Variants in DPP6 observed in about 807,000 individuals in gnomAD.
DPP6 encodes the protein dipeptidyl peptidase like 6, also known as A-type potassium channel modulatory protein DPP6.
Under a neutral mutation model 122.6 loss-of-function variants are expected in DPP6, and 69 were observed. That is an observed-to-expected ratio of 0.56 (90% CI 0.46 to 0.69). DPP6 has a LOEUF of 0.69. Among genes scored for constraint, DPP6 ranks in the 30% least tolerant of loss-of-function variants. The pLI is 0.00. For synonymous variants in DPP6, 418 were observed against 433.1 expected (o/e 0.97, Z 0.43); for missense variants, 928 against 1,116.9 (o/e 0.83, Z 2.41).
intron 3 of DPP6, among the ~76,000 whole-genome samples, chr7:154,526,871 C>T (rs138237024): frequency 1.1e-4 from 17 of 152,268 alleles, no homozygotes; most frequent in African/African-American, 4.1e-4. Flanking sequence ...CCTGACTTTG[C>T]AGCGAAAAAT....
chr7:154,360,695 C>T (rs1164348725), intron 1 of DPP6, among the ~76,000 whole-genome samples: 1 of 152,154 alleles, frequency 6.6e-6, no homozygotes, highest in African/African-American at 2.4e-5. Context: ...TTCTAAGTGA[C>T]CAGCATGTGT....
intron 5 of DPP6, among the ~76,000 whole-genome samples, chr7:154,572,706 G>A (rs1279374953): frequency 1.6e-4 from 24 of 146,094 alleles, no homozygotes; most frequent in Admixed American, 2.7e-4. Context: ...TTGAGACAGA[G>A]TCTCACTCTG....
chr7:154,057,407 G>C (rs138135985), intron 1 of DPP6: 25,358 of 206,522 alleles, frequency 0.12, 85 homozygotes, highest in Non-Finnish European at 0.19. Flanking sequence ...ACGCCCATCG[G>C]GGATCCTAAG....
chr7:153,997,644 C>A (rs1391497968), intron 1 of DPP6, among the ~76,000 whole-genome samples: 1 of 142,256 alleles, frequency 7.0e-6, no homozygotes, highest in African/African-American at 2.6e-5. Context: ...TGAGAATGCT[C>A]ATTTATACAC....
At chr7:154,889,879 G>A (rs2150704088) in intron 25 of DPP6, 1 of 284,546 alleles carries the variant, frequency 3.5e-6, no homozygotes, top group Non-Finnish European at 6.6e-6. Flanking sequence ...CGGAGAGTGG[G>A]ACTGTTGTTC....
At chr7:153,987,301 A>G (rs1156410575) in intron 1 of DPP6, among the ~76,000 whole-genome samples, 6 of 152,212 alleles carry the variant, frequency 3.9e-5, no homozygotes, top group Middle Eastern at 3.2e-3. Flanking sequence ...TTCTAGTACC[A>G]TGCCTGGGGC....
chr7:154,304,105 C>G (rs115032068), intron 1 of DPP6, among the ~76,000 whole-genome samples: 5 of 152,220 alleles, frequency 3.3e-5, no homozygotes, highest in Admixed American at 2.0e-4. Context: ...GAGAGTTCCC[C>G]GTATATATAA....
intron 2 of DPP6, among the ~76,000 whole-genome samples, chr7:154,468,797 T>C (rs1292433058): frequency 6.6e-6 from 1 of 152,210 alleles, no homozygotes; most frequent in Non-Finnish European, 1.5e-5. Context: ...TGACTAATTT[T>C]GATGTTATGC....
At chr7:154,714,143 A>C (rs552682278) in intron 7 of DPP6, among the ~76,000 whole-genome samples, 1 of 152,096 alleles carries the variant, frequency 6.6e-6, no homozygotes, top group Non-Finnish European at 1.5e-5. Flanking sequence ...CAATATCAGC[A>C]TTTTCATCAA....
chr7:154,382,873 G>A (rs989743555), intron 1 of DPP6, among the ~76,000 whole-genome samples: 3 of 152,046 alleles, frequency 2.0e-5, no homozygotes, highest in East Asian at 1.9e-4. Flanking sequence ...TTACAGGCAC[G>A]CACCACCACG....
At chr7:154,811,127 C>G (rs571561862) in intron 16 of DPP6, among the ~76,000 whole-genome samples, 1 of 152,338 alleles carries the variant, frequency 6.6e-6, no homozygotes, top group East Asian at 1.9e-4. Flanking sequence ...ACATAATAAG[C>G]TATTTTCTGG....
At chr7:154,475,158 C>T (rs1822621162) in intron 3 of DPP6, 121 bp downstream of exon 3, 5 of 759,280 alleles carry the variant, frequency 6.6e-6, no homozygotes, top group South Asian at 4.3e-5. Flanking sequence ...AGGGGATCTA[C>T]AGAGCTTTTG....
chr7:154,557,005 C>A (rs1407960759), intron 4 of DPP6, among the ~76,000 whole-genome samples: 2 of 152,114 alleles, frequency 1.3e-5, no homozygotes, highest in Non-Finnish European at 2.9e-5. Context: ...TACAGGATCC[C>A]TTGAATTTGT....
chr7:154,131,263 G>A lies in DPP6; in HGVS notation c.243+78200G>A, dbSNP rs568113453. On this transcript the variant is annotated intron_variant, in intron 1 of 25. Coordinates refer to ENST00000377770, the MANE Select transcript of DPP6 (RefSeq NM_130797.4). The stretch of plus-strand genomic sequence containing the variant: ...TGAAATTCTCCACGGCTCCCAGAAG[G>A]GGTGTGATATGCAGTTTTAGCCCAA... Among the ~76,000 whole-genome samples, 16 of 152,346 alleles carry A rather than the reference G, an allele frequency of 1.1e-4. No individual in the cohort carries two copies. The East Asian group carries it at 2.9e-3, about 28-fold the overall frequency.
In DPP6 at chr7:154,791,775, G is replaced by A. The variant is rs368584403; in HGVS notation, c.1137-2304G>A. 2.8e-4 allele frequency among the ~76,000 whole-genome samples: 43 copies of A among 152,280 alleles called. No homozygotes were observed. The South Asian group carries it at 5.2e-3, about 18-fold the overall frequency. On this transcript the variant is annotated intron_variant, in intron 10 of 25. Coordinates refer to ENST00000377770, the MANE Select transcript of DPP6 (RefSeq NM_130797.4). Reference sequence around the variant, plus strand: ...TAAGCAGGAACAGTACTGTGACTCCGCGGGCCATGTCACTGCTGTTGATGC... The same window carrying A: ...TAAGCAGGAACAGTACTGTGACTCCACGGGCCATGTCACTGCTGTTGATGC...
chr7:153,987,500 G>T (rs1431587950), intron 1 of DPP6, among the ~76,000 whole-genome samples: 4 of 152,320 alleles, frequency 2.6e-5, no homozygotes, highest in South Asian at 4.1e-4. Context: ...GCAGATGAGT[G>T]CCTTCTAGGT....
chr7:154,668,219 A>AT (rs1554430259), intron 6 of DPP6, among the ~76,000 whole-genome samples: 4,076 of 53,386 alleles, frequency 0.076, 405 homozygotes, highest in Middle Eastern at 0.14. Flanking sequence ...ATATATATAT[A>AT]ATATACACAT....
chr7:153,976,922 G>A (rs1175011666), intron 1 of DPP6, among the ~76,000 whole-genome samples: 3 of 152,160 alleles, frequency 2.0e-5, no homozygotes, highest in Admixed American at 6.5e-5. Context: ...CTTGCCACGC[G>A]GCTCTGTGGC....
Position 154,438,448 on chromosome 7 carries a change from T to C in DPP6, c.244-7766T>C, listed in dbSNP as rs573163420. Among the ~76,000 whole-genome samples the C allele has an allele frequency of 9.4e-4, 101 of 107,578 alleles. No homozygotes were observed. The Middle Eastern group carries it at 0.033, about 36-fold the overall frequency. The allele number at this position is 107,578 out of a possible 152,430, so 70.6% of individuals were successfully genotyped here. A position where few individuals can be genotyped will look rare whatever the true frequency, so the allele number is the denominator to read the frequency against. ...TAGCACCACTGCACTCCAGCCTGGG[T>C]GACAGAGTGAGACTCCAACTCAAAA... is the stretch of plus-strand genomic sequence containing the variant. On this transcript the variant is annotated intron_variant, in intron 1 of 25. Transcript: ENST00000377770.
Sources: gnomAD v4.1 joint callset for allele counts (sites outside exome capture counted in the v4.1 genomes callset) on GRCh38, gnomAD v4.1.1 for gene constraint, MANE v1.5 for transcripts, NCBI Gene and HGNC (gene_info 2026-07-23, HGNC 2026-07-21) for gene names.